CBR4: variants seen among roughly 807,000 people sequenced by gnomAD.
CBR4 encodes carbonyl reductase 4.
Under a neutral mutation model 21.0 loss-of-function variants are expected in CBR4, and 22 were observed. The observed-to-expected ratio is 1.05, with a 90% CI of 0.75 to 1.50. The LOEUF is 1.50. Ranked by LOEUF, CBR4 falls within the 40% of genes most tolerant of loss-of-function variation. The pLI, the probability that CBR4 is intolerant of heterozygous loss-of-function variation, is 0.00. For missense variants in CBR4, 302 were observed against 286.3 expected, an observed-to-expected ratio of 1.05 and a Z score of -0.40; for synonymous variants, 100 against 104.4, an observed-to-expected ratio of 0.96 and a Z score of 0.26.
intron 2 of CBR4, among the ~76,000 whole-genome samples, chr4:168,907,634 G>A (rs1758083417): frequency 6.6e-6 from 1 of 152,158 alleles, no homozygotes; most frequent in Admixed American, 6.5e-5. Flanking sequence ...AGTGGTTACT[G>A]CCCTTATTCC....
intron 2 of CBR4, among the ~76,000 whole-genome samples, chr4:168,956,277 C>T (rs978370125): frequency 6.6e-6 from 1 of 151,946 alleles, no homozygotes; most frequent in African/African-American, 2.4e-5. Flanking sequence ...ACAGGGAGGA[C>T]CCCAGATACA....
intron 2 of CBR4, 100 bp from the exon 3 acceptor site, chr4:169,006,991 T>G: frequency 1.1e-6 from 1 of 909,218 alleles, no homozygotes; most frequent in Admixed American, 2.0e-5. Flanking sequence ...AAGAAGTGCT[T>G]CCTATCTGAG....
downstream of CBR4, among the ~76,000 whole-genome samples, chr4:168,982,962 A>T (rs1764585265): frequency 6.6e-6 from 1 of 152,160 alleles, no homozygotes; most frequent in African/African-American, 2.4e-5. Flanking sequence ...CACATACATC[A>T]AAAAGTTAGA....
intron 2 of CBR4, among the ~76,000 whole-genome samples, chr4:168,981,209 G>A (rs1044610094): frequency 8.5e-5 from 13 of 152,122 alleles, no homozygotes; most frequent in African/African-American, 3.1e-4. Flanking sequence ...AGACCAGCCT[G>A]GCCAACATGG....
In CBR4 at chr4:168,960,104, T is replaced by C. The variant is rs1406649885; in HGVS notation, n.169+41967A>G. Among the ~76,000 whole-genome samples, 5 of 152,222 alleles carry C rather than the reference T, an allele frequency of 3.3e-5. No homozygotes were observed. The East Asian group carries it at 9.6e-4, about 29-fold the overall frequency. On this transcript the variant is annotated intron_variant and non_coding_transcript_variant, in intron 2 of 3. Transcript: ENST00000509108. The stretch of plus-strand genomic sequence containing the variant: ...TCCTAAGTGTTATGGTTTTTAATGC[T>C]ACTGTAAATGGAATTTAGTCCCATT...
At chr4:168,930,871 G>A (rs147655696) in intron 2 of CBR4, among the ~76,000 whole-genome samples, 2 of 152,266 alleles carry the variant, frequency 1.3e-5, no homozygotes, top group South Asian at 2.1e-4. Context: ...GCCCTGAACC[G>A]ACTTTAGAGA....
At chr4:168,905,815 T>G (rs1387352159) in intron 2 of CBR4, among the ~76,000 whole-genome samples, 1 of 150,566 alleles carries the variant, frequency 6.6e-6, no homozygotes, top group African/African-American at 2.4e-5. Flanking sequence ...TTTTTTCTTT[T>G]TTGAGACGGA....
chr4:168,897,988 T>C (rs995759873), intron 2 of CBR4: 2 of 153,036 alleles, frequency 1.3e-5, no homozygotes, highest in Non-Finnish European at 2.9e-5. Context: ...TATTATTCTT[T>C]TACTATTTTT....
At chr4:168,925,330 T>G in intron 2 of CBR4, 1 of 1,342,604 alleles carries the variant, frequency 7.4e-7, no homozygotes, top group Non-Finnish European at 1.1e-6. Flanking sequence ...TTGATTTCTC[T>G]TACATTGGCT....
intron 2 of CBR4, among the ~76,000 whole-genome samples, 172 bp from the exon 3 acceptor site, chr4:169,007,063 CAATT>C (rs758142174): frequency 2.0e-5 from 3 of 152,096 alleles, no homozygotes; most frequent in Non-Finnish European, 2.9e-5. Flanking sequence ...ATTAAAATAA[CAATT>C]GATAAACCAG....
Position 168,990,302 on chromosome 4 carries a change from CT to C in CBR4, c.561del (p.Asp188ThrfsTer2). On this transcript the variant is annotated frameshift_variant, in exon 5 of 5. Transcript: ENST00000306193. LOFTEE classifies it high-confidence loss of function. ...APGFVHTDMT[K>X]DLKEEHLKKN... ...TTCTTTAAATGTTCTTCTTTCAAGTCTTTCGTCATATCTGTGTGTACAAATC... is the reference window on the plus strand; with the variant it reads ...TTCTTTAAATGTTCTTCTTTCAAGTCTTCGTCATATCTGTGTGTACAAATC... The C allele has an allele frequency of 2.5e-6, 4 of 1,611,224 alleles. No homozygotes were observed. The South Asian group carries it at 4.4e-5, about 18-fold the overall frequency.
Position 168,988,606 on chromosome 4 carries a change from C to A in CBR4, c.*1544G>T, listed in dbSNP as rs2126800510. 3.0e-5 allele frequency: 30 copies of A among 985,408 alleles called. No individual in the cohort carries two copies. Among genetic ancestry groups the A allele is most frequent in the Non-Finnish European group, 3.6e-5 (30 of 829,916 alleles). 61.0% of individuals were successfully genotyped at this position (985,408 alleles called of 1,614,324 possible). On this transcript the variant is annotated 3_prime_UTR_variant, in exon 5 of 5. Transcript: ENST00000306193. Reference sequence around the variant, plus strand: ...TACTACATTGAAACCATTCTGAGTGCTGCATTTCCTATATGTGCCTAGACT... The same window carrying A: ...TACTACATTGAAACCATTCTGAGTGATGCATTTCCTATATGTGCCTAGACT...
At chr4:168,898,808 A>G (rs1020171907) in intron 2 of CBR4, 1 of 826,596 alleles carries the variant, frequency 1.2e-6, no homozygotes, top group Middle Eastern at 2.2e-4. Flanking sequence ...AGAGATACAA[A>G]TGATCTTTCT....
intron 2 of CBR4, among the ~76,000 whole-genome samples, chr4:168,942,538 A>C (rs1763292877): frequency 6.6e-6 from 1 of 152,148 alleles, no homozygotes; most frequent in Non-Finnish European, 1.5e-5. Flanking sequence ...AGAAGAAAAC[A>C]TTGAGAAGAT....
chr4:168,901,855 T>C (rs1429915241), intron 2 of CBR4, among the ~76,000 whole-genome samples: 1 of 152,098 alleles, frequency 6.6e-6, no homozygotes, highest in Non-Finnish European at 1.5e-5. Context: ...GCTAGACTCA[T>C]CTAAAAAAAG....
At chr4:168,942,186 G>C (rs1274562465) in intron 2 of CBR4, among the ~76,000 whole-genome samples, 1 of 151,382 alleles carries the variant, frequency 6.6e-6, no homozygotes, top group African/African-American at 2.4e-5. Context: ...CGAACAATAA[G>C]AACTCATGGA....
intron 2 of CBR4, among the ~76,000 whole-genome samples, chr4:168,980,420 T>C (rs1764514158): frequency 6.6e-6 from 1 of 152,160 alleles, no homozygotes; most frequent in South Asian, 2.1e-4. Context: ...ATATACCGCC[T>C]ATGAAAACAC....
chr4:169,009,417 T>C (rs1377450323), intron 1 of CBR4, among the ~76,000 whole-genome samples: 2 of 152,228 alleles, frequency 1.3e-5, no homozygotes, highest in African/African-American at 2.4e-5. Context: ...TGGCTGGTAC[T>C]CAAAAGGGTT....
At chr4:168,937,123 C>A (rs1261961836) in intron 2 of CBR4, among the ~76,000 whole-genome samples, 1 of 152,152 alleles carries the variant, frequency 6.6e-6, no homozygotes, top group African/African-American at 2.4e-5. Context: ...TCTGCAGAAA[C>A]CCTACAAGCC....
Sources: allele counts gnomAD v4.1 joint callset (sites outside exome capture counted in the v4.1 genomes callset), GRCh38; gene constraint gnomAD v4.1.1; transcripts MANE v1.5; gene names NCBI Gene and HGNC (gene_info 2026-07-23, HGNC 2026-07-21).